TMC2: variants seen among roughly 807,000 people sequenced by gnomAD.
TMC2 encodes transmembrane channel-like protein 2.
Under a neutral mutation model 105.9 loss-of-function variants are expected in TMC2, and 102 were observed. The ratio of observed to expected loss-of-function variants is 0.96; its 90% CI spans 0.82 to 1.14. The LOEUF is 1.14. TMC2 is among the 50% of genes most tolerant of loss of function. The pLI is 0.00. For missense variants in TMC2, 1,093 were observed against 1,134.3 expected, an observed-to-expected ratio of 0.96 and a Z score of 0.52; for synonymous variants, 402 against 422.8, an observed-to-expected ratio of 0.95 and a Z score of 0.60.
At chr20:2,639,854 T>C (rs541038836) in intron 19 of TMC2, among the ~76,000 whole-genome samples, 1 of 152,236 alleles carries the variant, frequency 6.6e-6, no homozygotes, top group East Asian at 1.9e-4. Context: ...AAAGAGACCA[T>C]CTCTGAGATG....
chr20:2,637,136 C>A (rs959891046), intron 18 of TMC2, among the ~76,000 whole-genome samples: 6 of 151,864 alleles, frequency 4.0e-5, no homozygotes, highest in South Asian at 4.2e-4. Context: ...CGCCTGTAAT[C>A]CCAGCACTTT....
chr20:2,570,113 G>C (rs1038764165), intron 4 of TMC2, among the ~76,000 whole-genome samples: 3 of 152,026 alleles, frequency 2.0e-5, no homozygotes, highest in Admixed American at 2.0e-4. Flanking sequence ...ATTCAACATA[G>C]TACTGGAAGT....
rs1252863787 is a variant in TMC2, at chr20:2,612,700, A to AAAAAAG, written c.1743+378_1743+383dup. Among the ~76,000 whole-genome samples, 4 of 152,298 alleles carry AAAAAAG rather than the reference A, an allele frequency of 2.6e-5. No homozygotes were observed. The East Asian group carries it at 5.8e-4, about 22-fold the overall frequency. ...CTGTTTTATTTTCTCTATATATCAAAAAAAAGAAAAAGAAAAAGAAAAATC... is the reference window on the plus strand; with the variant it reads ...CTGTTTTATTTTCTCTATATATCAAAAAAAAGAAAAAGAAAAAGAAAAAGAAAAATC... On this transcript the variant is annotated intron_variant, in intron 13 of 19. Coordinates refer to ENST00000358864, the MANE Select transcript of TMC2 (RefSeq NM_080751.3).
At chr20:2,636,379 T>C (rs547657536) in intron 18 of TMC2, among the ~76,000 whole-genome samples, 1 of 151,752 alleles carries the variant, frequency 6.6e-6, no homozygotes, top group Non-Finnish European at 1.5e-5. Context: ...CCCTTTAGCC[T>C]AAAAGATCTC....
In TMC2 at chr20:2,592,465, G is replaced by A; in HGVS notation, c.933+57G>A. On this transcript the variant is annotated intron_variant, in intron 8 of 19. Coordinates refer to ENST00000358864, the MANE Select transcript of TMC2 (RefSeq NM_080751.3). The surrounding 1 kb of genome is among the most constrained non-coding windows in gnomAD (Gnocchi z 4.9). ...TTTGTGATTATAAAGGCTAAAGATT[G>A]CATGGATAAGTATGAAATAGTGCGT... 8.6e-7 allele frequency: 1 copy of A among 1,157,996 alleles called. No homozygotes were observed. Among genetic ancestry groups the A allele is most frequent in the Non-Finnish European group, 1.3e-6 (1 of 764,272 alleles). The allele number at this position is 1,157,996 out of a possible 1,614,324, so 71.7% of individuals were successfully genotyped here.
intron 4 of TMC2, among the ~76,000 whole-genome samples, chr20:2,568,422 T>C (rs1194014407): frequency 6.6e-6 from 1 of 152,208 alleles, no homozygotes; most frequent in African/African-American, 2.4e-5. Flanking sequence ...CTGGTCTTCA[T>C]AGTTTGCAAC....
chr20:2,615,965 A>T (rs749918988), intron 14 of TMC2, among the ~76,000 whole-genome samples, 172 bp from the exon 15 acceptor site: 1 of 152,264 alleles, frequency 6.6e-6, no homozygotes, highest in South Asian at 2.1e-4. Context: ...AGTTGAAAAC[A>T]TATTAAAGAA....
At chr20:2,602,667 C>A (rs1440096792) in intron 11 of TMC2, among the ~76,000 whole-genome samples, 3 of 152,196 alleles carry the variant, frequency 2.0e-5, no homozygotes, top group African/African-American at 7.2e-5. Flanking sequence ...TTTGTCTATT[C>A]CTGCACAAAT....
chr20:2,641,086 T>C (rs773187890), intron 19 of TMC2, 48 bp from the exon 20 acceptor site: 2 of 1,552,618 alleles, frequency 1.3e-6, no homozygotes, highest in South Asian at 2.2e-5. Flanking sequence ...CAATCCAACC[T>C]GTACAAAATC....
At position 2,596,745 on chromosome 20, in the gene TMC2, A is replaced by ATG. The variant is rs1028418495; in HGVS notation, c.1077-394_1077-393dup. ...TGTGTGTGTGTGTGTGTGTGTGTGTATGTGTGTGTGTGTTCTATCCAAGAA... is the reference window on the plus strand; with the variant it reads ...TGTGTGTGTGTGTGTGTGTGTGTGTATGTGTGTGTGTGTGTTCTATCCAAGAA... On this transcript the variant is annotated intron_variant, in intron 9 of 19. Transcript: ENST00000358864. Among the ~76,000 whole-genome samples, 47 of 111,606 alleles carry ATG rather than the reference A, an allele frequency of 4.2e-4. 1 individual carries two copies. In the East Asian group the frequency reaches 0.011, roughly 27 times the overall value. 73.2% of individuals were successfully genotyped at this position (111,606 alleles called of 152,430 possible).
At chr20:2,604,722 G>A (rs2086376812) in intron 11 of TMC2, among the ~76,000 whole-genome samples, 1 of 152,106 alleles carries the variant, frequency 6.6e-6, no homozygotes, top group Non-Finnish European at 1.5e-5. Context: ...GAGGGGAGAG[G>A]GGCTGAGGTT....
chr20:2,551,452 A>C (rs1054854975), intron 2 of TMC2, among the ~76,000 whole-genome samples: 1 of 150,048 alleles, frequency 6.7e-6, no homozygotes, highest in African/African-American at 2.5e-5. Flanking sequence ...AGAAGTTTTT[A>C]GTTTTAATGA....
chr20:2,549,313 C>T (rs2085942931), intron 2 of TMC2, among the ~76,000 whole-genome samples: 1 of 152,214 alleles, frequency 6.6e-6, no homozygotes, highest in Non-Finnish European at 1.5e-5. Flanking sequence ...TCCTCAGCCT[C>T]CCAAAGTGCT....
In TMC2 at chr20:2,641,352, T is replaced by C. The variant is rs6050798; in HGVS notation, c.*1T>C. On this transcript the variant is annotated 3_prime_UTR_variant, in exon 20 of 20. Transcript: ENST00000358864. ...GAGTGCTCAGAGACCTCCCCACTGA[T>C]GGCTAGGACTCCAGGGAGCCTCGAC... The C allele has an allele frequency of 0.52, 835,563 of 1,605,654 alleles. 218,108 individuals carry two copies. The highest frequency in any genetic ancestry group is 0.57 in the Admixed American group (34,198 of 59,836).
chr20:2,562,774 C>T (rs1296083651), intron 4 of TMC2, among the ~76,000 whole-genome samples: 6 of 151,992 alleles, frequency 3.9e-5, no homozygotes, highest in South Asian at 2.1e-4. Flanking sequence ...GGTGAAACCC[C>T]GTCTCTACTA....
chr20:2,640,828 C>T (rs2086682894), intron 19 of TMC2, among the ~76,000 whole-genome samples: 1 of 152,194 alleles, frequency 6.6e-6, no homozygotes. Flanking sequence ...CCCCGGCAGT[C>T]ACCCTGCGAG....
chr20:2,572,167 T>TC lies in TMC2; in HGVS notation c.555-12_555-11insC. The TC allele has an allele frequency of 1.2e-6, 2 of 1,603,296 alleles. No homozygotes were observed. Among genetic ancestry groups the TC allele is most frequent in the Non-Finnish European group, 1.7e-6 (2 of 1,172,902 alleles). On this transcript the variant is annotated splice_polypyrimidine_tract_variant and intron_variant, in intron 4 of 19. Coordinates refer to ENST00000358864, the MANE Select transcript of TMC2 (RefSeq NM_080751.3). ...TAACTGAAATCCTGCTTTTTTTTTT[T>TC]TTTCTAAGCAGGGAGGCCCAGGAAT...
chr20:2,617,601 A>T, intron 16 of TMC2: 1 of 434,164 alleles, frequency 2.3e-6, no homozygotes, highest in Admixed American at 4.0e-5. Context: ...TTATTTATTA[A>T]TTTTTAACTG....
intron 17 of TMC2, among the ~76,000 whole-genome samples, chr20:2,633,298 G>T (rs1201576347): frequency 7.3e-6 from 1 of 136,138 alleles, no homozygotes; most frequent in Non-Finnish European, 1.6e-5. Flanking sequence ...GAGAGCTCAG[G>T]GCCTTCTCAA....
Sources: gnomAD v4.1 joint callset for allele counts (sites outside exome capture counted in the v4.1 genomes callset) on GRCh38, gnomAD v4.1.1 for gene constraint, Gnocchi (gnomAD v3.1) non-coding constraint, MANE v1.5 for transcripts, NCBI Gene and HGNC (gene_info 2026-07-23, HGNC 2026-07-21) for gene names.